GLT8D2: variants seen among roughly 807,000 people sequenced by gnomAD.
The protein encoded by GLT8D2 is glycosyltransferase 8 domain containing 2, also known as glycosyltransferase 8 domain-containing protein 2.
In GLT8D2, 45 loss-of-function variants were observed where a neutral mutation model predicts 44.5. The ratio of observed to expected loss-of-function variants is 1.01; its 90% CI spans 0.80 to 1.30. The LOEUF (loss-of-function observed/expected upper bound fraction) is 1.30, where lower values mean the gene tolerates loss of function less well. GLT8D2 is among the 50% of genes most tolerant of loss of function. GLT8D2 has a pLI of 0.00. For synonymous variants in GLT8D2, 156 were observed against 157.2 expected, an observed-to-expected ratio of 0.99 and a Z score of 0.06; for missense variants, 400 against 430.4, an observed-to-expected ratio of 0.93 and a Z score of 0.62.
At chr12:104,042,172 A>G (rs1332381340) in intron 1 of GLT8D2, among the ~76,000 whole-genome samples, 2 of 152,220 alleles carry the variant, frequency 1.3e-5, no homozygotes. Flanking sequence ...TAGTAGCCAC[A>G]TAATATAGAT....
At chr12:104,034,892 G>T (rs1365004568) in intron 1 of GLT8D2, among the ~76,000 whole-genome samples, 3 of 152,180 alleles carry the variant, frequency 2.0e-5, no homozygotes, top group Non-Finnish European at 4.4e-5. Context: ...TCCCAGTAGG[G>T]GCCAACTGAT....
At chr12:104,016,188 C>A (rs1876557856) in intron 3 of GLT8D2, among the ~76,000 whole-genome samples, 4 of 152,126 alleles carry the variant, frequency 2.6e-5, no homozygotes, top group Admixed American at 2.6e-4. Context: ...TTCAGTTTTT[C>A]CCCATTTAGT....
At chr12:104,002,367 A>G (rs936869045) in intron 5 of GLT8D2, among the ~76,000 whole-genome samples, 5 of 152,132 alleles carry the variant, frequency 3.3e-5, no homozygotes, top group Non-Finnish European at 7.3e-5. Flanking sequence ...TTTTGTAACA[A>G]TTCTATATTT....
intron 1 of GLT8D2, among the ~76,000 whole-genome samples, chr12:104,041,450 C>G (rs1211791691): frequency 6.6e-6 from 1 of 152,026 alleles, no homozygotes; most frequent in African/African-American, 2.4e-5. Flanking sequence ...GTGGCACGCA[C>G]CTGTGATCCC....
chr12:104,028,200 G>A (rs1425753592), intron 1 of GLT8D2, among the ~76,000 whole-genome samples: 1 of 152,168 alleles, frequency 6.6e-6, no homozygotes, highest in African/African-American at 2.4e-5. Flanking sequence ...GATTATTGTA[G>A]GAAACCTTAA....
At chr12:103,993,816 C>T (rs961479230) in intron 9 of GLT8D2, 15 of 235,622 alleles carry the variant, frequency 6.4e-5, no homozygotes, top group Non-Finnish European at 9.8e-5. Context: ...ACTTTACTTG[C>T]AAATTCAAGG....
chr12:104,016,013 G>A lies in GLT8D2; in HGVS notation c.20-908C>T, dbSNP rs564648483. 2.6e-5 allele frequency among the ~76,000 whole-genome samples: 4 copies of A among 152,238 alleles called. No individual in the cohort carries two copies. The East Asian group carries it at 7.7e-4, about 29-fold the overall frequency. On this transcript the variant is annotated intron_variant, in intron 3 of 10. Coordinates refer to ENST00000360814, the MANE Select transcript of GLT8D2 (RefSeq NM_001384711.1). ...TTCCAAAACAAAACAAAACAAAAACGTATCATCTGCAAACAGGATAATTTG... is the reference window on the plus strand; with the variant it reads ...TTCCAAAACAAAACAAAACAAAAACATATCATCTGCAAACAGGATAATTTG...
chr12:104,021,971 G>A (rs112456851), intron 1 of GLT8D2, among the ~76,000 whole-genome samples: 784 of 17,198 alleles, frequency 0.046, 115 homozygotes, highest in Non-Finnish European at 0.052. Context: ...AAGAGGAAGA[G>A]GAAGAGGAAG....
At chr12:103,999,851 A>G (rs1044599701) in intron 5 of GLT8D2, among the ~76,000 whole-genome samples, 1 of 152,250 alleles carries the variant, frequency 6.6e-6, no homozygotes, top group African/African-American at 2.4e-5. Flanking sequence ...TGCTGGTACT[A>G]TCTTCGCCAC....
intron 1 of GLT8D2, among the ~76,000 whole-genome samples, chr12:104,056,522 T>C (rs1882196123): frequency 1.3e-5 from 2 of 152,242 alleles, no homozygotes; most frequent in East Asian, 1.9e-4. Context: ...AATAAAATCA[T>C]GATAATGATA....
intron 3 of GLT8D2, among the ~76,000 whole-genome samples, chr12:104,019,136 T>G (rs867737598): frequency 1.6e-3 from 240 of 149,302 alleles, no homozygotes; most frequent in Middle Eastern, 0.01. Flanking sequence ...TTTTTTTTTT[T>G]TGTGTGTTTG....
At chr12:103,998,795 G>A (rs140418786) in intron 6 of GLT8D2, among the ~76,000 whole-genome samples, 2 of 151,842 alleles carry the variant, frequency 1.3e-5, no homozygotes, top group Non-Finnish European at 2.9e-5. Context: ...AATCCTCCCC[G>A]CTCAGCCTCC....
upstream of GLT8D2, among the ~76,000 whole-genome samples, chr12:104,053,966 TTTTAAA>T (rs1169076736): frequency 6.6e-6 from 1 of 152,162 alleles, no homozygotes; most frequent in Non-Finnish European, 1.5e-5. Context: ...GAATATTTAA[TTTTAAA>T]TTTAAATATT....
intron 1 of GLT8D2, among the ~76,000 whole-genome samples, chr12:104,028,063 C>T (rs971718019): frequency 2.4e-4 from 37 of 152,172 alleles, no homozygotes; most frequent in African/African-American, 8.9e-4. Context: ...GTTCATCTTT[C>T]CCCGTCCAGT....
At chr12:104,024,560 A>G (rs1238795457) in intron 1 of GLT8D2, among the ~76,000 whole-genome samples, 2 of 152,052 alleles carry the variant, frequency 1.3e-5, no homozygotes, top group East Asian at 3.9e-4. Flanking sequence ...AGCACTTGGT[A>G]TTGCCGGTAT....
chr12:104,045,950 AAAGAAAAT>A (rs1881097110), intron 1 of GLT8D2, among the ~76,000 whole-genome samples: 5 of 147,200 alleles, frequency 3.4e-5, no homozygotes, highest in South Asian at 2.2e-4. Context: ...AGAAAGAAAG[AAAGAAAAT>A]AAGAAAGAAA....
chr12:103,996,719 G>T lies in GLT8D2; in HGVS notation c.600+16C>A, dbSNP rs1873469374. The T allele has an allele frequency of 5.1e-6, 8 of 1,561,124 alleles. No homozygotes were observed. Among genetic ancestry groups the T allele is most frequent in the Non-Finnish European group, 7.0e-6 (8 of 1,134,884 alleles). On this transcript the variant is annotated intron_variant, in intron 8 of 10. Transcript: ENST00000360814. ...TGTAGAGTGAAGGGAGGATTTCTGAGACAGCATATGCCCACCTGAAGTCCC... is the reference window on the plus strand; with the variant it reads ...TGTAGAGTGAAGGGAGGATTTCTGATACAGCATATGCCCACCTGAAGTCCC...
At chr12:104,036,985 A>G (rs1171248277) in intron 1 of GLT8D2, among the ~76,000 whole-genome samples, 1 of 152,206 alleles carries the variant, frequency 6.6e-6, no homozygotes, top group Non-Finnish European at 1.5e-5. Flanking sequence ...ATTGCAATCA[A>G]ATTAGAACTC....
At position 103,996,849 on chromosome 12, in the gene GLT8D2, T is replaced by C; in HGVS notation, c.488-2A>G. The C allele has an allele frequency of 1.2e-6, 2 of 1,605,640 alleles. No homozygotes were observed. Among genetic ancestry groups the C allele is most frequent in the South Asian group, 1.1e-5 (1 of 90,472 alleles). On this transcript the variant is annotated splice_acceptor_variant, in intron 7 of 10. Transcript: ENST00000360814. LOFTEE classifies it high-confidence loss of function. ...TGTCATACAGTTCTTGGATATCACC[T>C]GAATTTAGAAACACCACCAAGTAAA...
Sources: allele counts gnomAD v4.1 joint callset (sites outside exome capture counted in the v4.1 genomes callset), GRCh38; gene constraint gnomAD v4.1.1; transcripts MANE v1.5; gene names NCBI Gene and HGNC (gene_info 2026-07-23, HGNC 2026-07-21).